Variants in ZNF181 observed in about 807,000 individuals in gnomAD.
ZNF181 encodes the protein zinc finger protein 181, also known as zinc finger protein 181 (HHZ181).
A neutral mutation model predicts 11.9 loss-of-function variants in ZNF181; 8 were observed. That is an observed-to-expected ratio of 0.67 (90% CI 0.39 to 1.21). The LOEUF is 1.21. Ranked by LOEUF, ZNF181 falls within the 50% of genes most tolerant of loss-of-function variation. The probability of loss-of-function intolerance (pLI) is 0.01; values close to 1 mark genes in which losing one functional copy is unlikely to be tolerated. For synonymous variants in ZNF181, 202 were observed against 221.1 expected, an observed-to-expected ratio of 0.91 and a Z score of 0.77; for missense variants, 542 against 670.9, an observed-to-expected ratio of 0.81 and a Z score of 2.12.
rs1291888656 is a variant in ZNF181 at position 34,742,231 on chromosome 19, T to C, written c.*134T>C. 3.6e-6 allele frequency: 3 copies of C among 837,904 alleles called. No individual in the cohort carries two copies. The African/African-American group carries it at 5.1e-5, about 14-fold the overall frequency. The allele number at this position is 837,904 out of a possible 1,614,324, so 51.9% of individuals were successfully genotyped here. On this transcript the variant is annotated 3_prime_UTR_variant, in exon 4 of 4. Coordinates refer to ENST00000492450, the MANE Select transcript of ZNF181 (RefSeq NM_001029997.4). ...CAAAGATGCAGGCCAGTTTGTTTAT[T>C]AGACTTTATACTGTAGAGAAATCAT...
chr19:34,743,589 T>C lies in ZNF181; in HGVS notation c.*1492T>C, dbSNP rs1360454815. ...AGCAGACAGTCGAGTTCTGTCATAC[T>C]TGCTGCAGCTGGATTCCACGTTCCC... On this transcript the variant is annotated 3_prime_UTR_variant, in exon 4 of 4. Coordinates refer to ENST00000492450, the MANE Select transcript of ZNF181 (RefSeq NM_001029997.4). 6.6e-6 allele frequency: 1 copy of C among 152,274 alleles called. No individual in the cohort carries two copies. Among genetic ancestry groups the C allele is most frequent in the Non-Finnish European group, 1.5e-5 (1 of 68,062 alleles). The allele number at this position is 152,274 out of a possible 1,614,324, so 9.4% of individuals were successfully genotyped here.
At position 34,739,517 on chromosome 19, in the gene ZNF181, T is replaced by C. The variant is rs774720350; in HGVS notation, c.131-6T>C. 34 of 1,613,862 alleles carry C rather than the reference T, an allele frequency of 2.1e-5. No homozygotes were observed. In the South Asian group the frequency reaches 3.7e-4, roughly 18 times the overall value. ...GGCTTAAACAATTCTGTATTCTTCC[T>C]GTAAGCAGGTCTTTCTGTAACTAAG... On this transcript the variant is annotated splice_region_variant and splice_polypyrimidine_tract_variant and intron_variant, in intron 2 of 3. Coordinates refer to ENST00000492450, the MANE Select transcript of ZNF181 (RefSeq NM_001029997.4).
rs1433473761 is a variant in ZNF181, at chr19:34,741,272, ATG to A, written c.894_895del (p.Cys298TrpfsTer5). 2 of 1,613,968 alleles carry A rather than the reference ATG, an allele frequency of 1.2e-6. No homozygotes were observed. Among genetic ancestry groups the A allele is most frequent in the South Asian group, 2.2e-5 (2 of 91,074 alleles). On this transcript the variant is annotated frameshift_variant, in exon 4 of 4. Transcript: ENST00000492450. LOFTEE classifies it low-confidence loss of function (END_TRUNC). ...GAGAGAAACCTTACAAATGTATTGA[ATG>A]TGGGAAGGCCTTTAGCCATGTCTCA... ...SGEKPYKCIECGKAFSHVSSL... is the reference protein window; with the variant it reads ...SGEKPYKCIEXGKAFSHVSSL...
In ZNF181 at chr19:34,741,122, C is replaced by A; in HGVS notation, c.741C>A (p.Gly247=). 2 of 1,614,086 alleles carry A rather than the reference C, an allele frequency of 1.2e-6. 1 individual carries two copies. Among genetic ancestry groups the A allele is most frequent in the South Asian group, 2.2e-5 (2 of 91,080 alleles). The change falls in exon 4 of 4, where the codon GGC becomes GGA. Residue 247 remains glycine (G), a synonymous_variant. Coordinates refer to ENST00000492450, the MANE Select transcript of ZNF181 (RefSeq NM_001029997.4). ...GCAGTGAATGTGGGAAAGCCTTTGGCAAACAGTCAATCCTCAATCGCCACT... is the reference window on the plus strand; with the variant it reads ...GCAGTGAATGTGGGAAAGCCTTTGGAAAACAGTCAATCCTCAATCGCCACT... ...YTCSECGKAF[G]KQSILNRHWR...
Position 34,734,569 on chromosome 19 carries a change from A to C in ZNF181, c.-469A>C, listed in dbSNP as rs2068859618. On this transcript the variant is annotated 5_prime_UTR_variant, in exon 1 of 4. Coordinates refer to ENST00000492450, the MANE Select transcript of ZNF181 (RefSeq NM_001029997.4). ...GGGCGCGTGGTTAGACGCCAGCCAC[A>C]GTTGTCTTTGGGTTATGTCGTCATG... 1 of 155,552 alleles carries C rather than the reference A, an allele frequency of 6.4e-6. No homozygotes were observed. The allele number at this position is 155,552 out of a possible 1,614,324, so 9.6% of individuals were successfully genotyped here.
At position 34,744,822 on chromosome 19, in the gene ZNF181, G is replaced by A. The variant is rs2069019283; in HGVS notation, c.*2725G>A. 1 of 152,118 alleles carries A rather than the reference G, an allele frequency of 6.6e-6. No individual in the cohort carries two copies. Among genetic ancestry groups the A allele is most frequent in the Non-Finnish European group, 1.5e-5 (1 of 68,014 alleles). The allele number at this position is 152,118 out of a possible 1,614,324, so 9.4% of individuals were successfully genotyped here. The stretch of plus-strand genomic sequence containing the variant: ...TCTCCCAAGCAACTGGTACCACAGA[G>A]ATGAAGTAGTCCTATAATGCCCAGA... On this transcript the variant is annotated 3_prime_UTR_variant, in exon 4 of 4. Coordinates refer to ENST00000492450, the MANE Select transcript of ZNF181 (RefSeq NM_001029997.4).
Position 34,741,100 on chromosome 19 carries a change from G to A in ZNF181, c.719G>A (p.Ser240Asn). Residue 240 changes from serine to asparagine, a missense_variant, in exon 4 of 4, where the codon AGT (serine) becomes AAT (asparagine). By Grantham distance (46) the Ser-to-Asn change is conservative. Transcript: ENST00000492450. ...AATAGAGAGAAAATCTATACATGCA[G>A]TGAATGTGGGAAAGCCTTTGGCAAA... ...TCNREKIYTC[S>N]ECGKAFGKQS... is the part of the protein sequence containing the mutation. 1 of 1,614,128 alleles carries A rather than the reference G, an allele frequency of 6.2e-7. No individual in the cohort carries two copies. Among genetic ancestry groups the A allele is most frequent in the Non-Finnish European group, 8.5e-7 (1 of 1,179,966 alleles).
Position 34,742,141 on chromosome 19 carries a change from A to T in ZNF181, c.*44A>T, listed in dbSNP as rs746538684. 1.1e-5 allele frequency: 17 copies of T among 1,498,072 alleles called. No individual in the cohort carries two copies. The highest frequency in any genetic ancestry group is 2.3e-5 in the Admixed American group (1 of 43,556). 92.8% of individuals were successfully genotyped at this position (1,498,072 alleles called of 1,614,324 possible). ...AAATTTCCTAGATTCTCCCTTATTT[A>T]ACATTAGAAAAATTTATACTGGGGA... is the stretch of plus-strand genomic sequence containing the variant. On this transcript the variant is annotated 3_prime_UTR_variant, in exon 4 of 4. Transcript: ENST00000492450.
chr19:34,739,952 G>C (rs959074527), intron 3 of ZNF181, among the ~76,000 whole-genome samples: 52 of 152,150 alleles, frequency 3.4e-4, no homozygotes, highest in African/African-American at 1.2e-3. Context: ...TTTAGGCTAA[G>C]AAAAGCTGTC....
chr19:34,739,819 C>T (rs2068942584), intron 3 of ZNF181, among the ~76,000 whole-genome samples, 198 bp downstream of exon 3: 2 of 152,156 alleles, frequency 1.3e-5, no homozygotes, highest in Admixed American at 1.3e-4. Context: ...ATCTGTATCA[C>T]TCATGTCATC....
intron 1 of ZNF181, among the ~76,000 whole-genome samples, chr19:34,738,546 T>G (rs556965872): frequency 2.7e-4 from 41 of 151,930 alleles, no homozygotes; most frequent in African/African-American, 8.0e-4. Flanking sequence ...TTTTTTTTGT[T>G]TTTGTTTTTT....
rs185819980 is a variant in ZNF181 at position 34,744,014 on chromosome 19, G to T, written c.*1917G>T. The T allele has an allele frequency of 2.0e-5, 3 of 152,216 alleles. No individual in the cohort carries two copies. The highest frequency in any genetic ancestry group is 6.5e-5 in the Admixed American group (1 of 15,280). The allele number at this position is 152,216 out of a possible 1,614,324, so 9.4% of individuals were successfully genotyped here. A position where few individuals can be genotyped will look rare whatever the true frequency, so the allele number is the denominator to read the frequency against. On this transcript the variant is annotated 3_prime_UTR_variant, in exon 4 of 4. Transcript: ENST00000492450. ...TGTATGGACACTGATGCAAGTGAAGGGGTGTGATATGGATTATGCTTCAGA... is the reference window on the plus strand; with the variant it reads ...TGTATGGACACTGATGCAAGTGAAGTGGTGTGATATGGATTATGCTTCAGA...
Position 34,734,916 on chromosome 19 carries a change from C to A in ZNF181, c.-122C>A. On this transcript the variant is annotated 5_prime_UTR_variant, in exon 1 of 4. Transcript: ENST00000492450. ...CCATTATGGTGTGTCACAGGTGCCG[C>A]AAGATAAGCCTGATTTTTCATGACT... The A allele has an allele frequency of 2.9e-6, 3 of 1,031,734 alleles. No individual in the cohort carries two copies. Among genetic ancestry groups the A allele is most frequent in the Admixed American group, 2.4e-5 (1 of 40,872 alleles). The allele number at this position is 1,031,734 out of a possible 1,614,324, so 63.9% of individuals were successfully genotyped here. A position where few individuals can be genotyped will look rare whatever the true frequency, so the allele number is the denominator to read the frequency against.
chr19:34,743,098 G>A lies in ZNF181; in HGVS notation c.*1001G>A, dbSNP rs182409934. On this transcript the variant is annotated 3_prime_UTR_variant, in exon 4 of 4. Coordinates refer to ENST00000492450, the MANE Select transcript of ZNF181 (RefSeq NM_001029997.4). ...CTCGTGTATTATTACACAGCGATGG[G>A]ATATAGGAATCCAGTAGTTCTGAGC... 6.6e-6 allele frequency: 1 copy of A among 152,278 alleles called. No homozygotes were observed. Among genetic ancestry groups the A allele is most frequent in the Non-Finnish European group, 1.5e-5 (1 of 68,026 alleles). The allele number at this position is 152,278 out of a possible 1,614,324, so 9.4% of individuals were successfully genotyped here.
rs569730578 is a variant in ZNF181, at chr19:34,736,130, G to A, written c.9+1084G>A. ...AATAGATGCTTAGTAAGTAATTGTG[G>A]AGTGAATAAGATGAGTAATGACGAA... is the stretch of plus-strand genomic sequence containing the variant. On this transcript the variant is annotated intron_variant, in intron 1 of 3. Coordinates refer to ENST00000492450, the MANE Select transcript of ZNF181 (RefSeq NM_001029997.4). The A allele has an allele frequency of 1.7e-5, 12 of 703,042 alleles. No individual in the cohort carries two copies. In the East Asian group the frequency reaches 2.7e-4, roughly 16 times the overall value. The allele number at this position is 703,042 out of a possible 1,614,324, so 43.6% of individuals were successfully genotyped here.
rs546949900 is a variant in ZNF181, at chr19:34,743,601, G to A, written c.*1504G>A. The A allele has an allele frequency of 1.3e-5, 2 of 152,344 alleles. No homozygotes were observed. The highest frequency in any genetic ancestry group is 3.9e-4 in the East Asian group (2 of 5,184). The allele number at this position is 152,344 out of a possible 1,614,324, so 9.4% of individuals were successfully genotyped here. ...AGTTCTGTCATACTTGCTGCAGCTG[G>A]ATTCCACGTTCCCATGTCTAGTTTC... On this transcript the variant is annotated 3_prime_UTR_variant, in exon 4 of 4. Coordinates refer to ENST00000492450, the MANE Select transcript of ZNF181 (RefSeq NM_001029997.4).
chr19:34,741,904 A>C lies in ZNF181; in HGVS notation c.1523A>C (p.Gln508Pro). The C allele has an allele frequency of 6.2e-7, 1 of 1,613,926 alleles. No homozygotes were observed. The highest frequency in any genetic ancestry group is 8.5e-7 in the Non-Finnish European group (1 of 1,179,910). The change falls in exon 4 of 4, where the codon CAG (glutamine) becomes CCG (proline). Residue 508 changes from glutamine to proline, a missense_variant. Physicochemically the swap from Gln to Pro is moderately conservative, Grantham distance 76. Coordinates refer to ENST00000492450, the MANE Select transcript of ZNF181 (RefSeq NM_001029997.4). ...TGTAGTTCAAACCTTACCGTACATC[A>C]GAGAATTCACACTGGAGAAAAGCCA... ...FSCSSNLTVH[Q>P]RIHTGEKPYK...
In ZNF181 at chr19:34,741,572, A is replaced by G. The variant is rs1568485814; in HGVS notation, c.1191A>G (p.Arg397=). Residue 397 remains arginine (R), a synonymous_variant, in exon 4 of 4, where the codon AGA becomes AGG. Coordinates refer to ENST00000492450, the MANE Select transcript of ZNF181 (RefSeq NM_001029997.4). ...CCSSHLTRHQ[R]IHTMEKQYEC... ...GCTCACACCTTACTCGACATCAAAG[A>G]ATTCACACTATGGAGAAACAATATG... The G allele has an allele frequency of 2.5e-6, 4 of 1,614,032 alleles. No individual in the cohort carries two copies. The highest frequency in any genetic ancestry group is 3.4e-6 in the Non-Finnish European group (4 of 1,179,974).
rs1434124899 is a variant in ZNF181, at chr19:34,741,476, TCAC to T, written c.1098_1100del (p.His367del). ...CCTTCATTCATAGGTCATCTCTCAT[TCAC>T]CATCAGAAAATCCATACTGGAGAGA... On this transcript the variant is annotated inframe_deletion, in exon 4 of 4. Coordinates refer to ENST00000492450, the MANE Select transcript of ZNF181 (RefSeq NM_001029997.4). The T allele has an allele frequency of 1.6e-5, 26 of 1,613,522 alleles. No homozygotes were observed. The highest frequency in any genetic ancestry group is 2.0e-5 in the Non-Finnish European group (24 of 1,179,840).
Sources: gnomAD v4.1 joint callset for allele counts (sites outside exome capture counted in the v4.1 genomes callset) on GRCh38, gnomAD v4.1.1 for gene constraint, MANE v1.5 for transcripts, NCBI Gene and HGNC (gene_info 2026-07-23, HGNC 2026-07-21) for gene names.